Variants in CDKAL1 observed in about 807,000 individuals in gnomAD.
CDKAL1 encodes the protein CDKAL1 threonylcarbamoyladenosine tRNA methylthiotransferase, also known as threonylcarbamoyladenosine tRNA methylthiotransferase.
CDKAL1 carries 32 observed loss-of-function variants against 68.2 expected under a neutral mutation model. The ratio of observed to expected loss-of-function variants is 0.47; its 90% CI spans 0.35 to 0.63. CDKAL1 has a LOEUF of 0.63. Among genes scored for constraint, CDKAL1 ranks in the 30% least tolerant of loss-of-function variants. CDKAL1 has a pLI of 0.00. For missense variants in CDKAL1, 606 were observed against 696.7 expected (o/e 0.87, Z 1.47); for synonymous variants, 234 against 244.3 (o/e 0.96, Z 0.39).
chr6:20,789,900 T>C lies in CDKAL1; in HGVS notation c.638+8635T>C, dbSNP rs181975498. On this transcript the variant is annotated intron_variant, in intron 8 of 15. Coordinates refer to ENST00000274695, the MANE Select transcript of CDKAL1 (RefSeq NM_017774.3). ...AGAATCAGCTTATTTATTTCATATG[T>C]TTGTTCTTTAAGAAGACCAAAGAGC... is the stretch of plus-strand genomic sequence containing the variant. Among the ~76,000 whole-genome samples, 12 of 152,340 alleles carry C rather than the reference T, an allele frequency of 7.9e-5. No individual in the cohort carries two copies. In the East Asian group the frequency reaches 2.1e-3, roughly 27 times the overall value.
At chr6:20,741,536 G>T (rs1773457720) in intron 6 of CDKAL1, among the ~76,000 whole-genome samples, 1 of 151,994 alleles carries the variant, frequency 6.6e-6, no homozygotes, top group Admixed American at 6.6e-5. Flanking sequence ...TCATCATGTA[G>T]CTCCCACTTA....
At position 20,534,914 on chromosome 6, in the gene CDKAL1, G is replaced by C. The variant is rs1763109000; in HGVS notation, c.-50+340G>C. 2.6e-5 allele frequency among the ~76,000 whole-genome samples: 4 copies of C among 152,210 alleles called. No individual in the cohort carries two copies. The South Asian group carries it at 8.3e-4, about 32-fold the overall frequency. The stretch of plus-strand genomic sequence containing the variant: ...GCAGTTATATAGCTTTCCCAGATCA[G>C]TATGTTAAGAATTTAAGCAGAAGTT... On this transcript the variant is annotated intron_variant, in intron 1 of 15. Coordinates refer to ENST00000274695, the MANE Select transcript of CDKAL1 (RefSeq NM_017774.3).
intron 8 of CDKAL1, among the ~76,000 whole-genome samples, chr6:20,829,361 C>T (rs1358527416): frequency 1.3e-5 from 2 of 152,248 alleles, no homozygotes; most frequent in African/African-American, 2.4e-5. Flanking sequence ...GAGAATCAGT[C>T]GTTAGATTTC....
chr6:20,695,239 A>T (rs1771057390), intron 5 of CDKAL1, among the ~76,000 whole-genome samples: 1 of 152,192 alleles, frequency 6.6e-6, no homozygotes, highest in South Asian at 2.1e-4. Flanking sequence ...ATGCTTCTAA[A>T]CAAACTTTAG....
At chr6:21,013,666 G>T (rs939868418) in intron 11 of CDKAL1, among the ~76,000 whole-genome samples, 1 of 152,128 alleles carries the variant, frequency 6.6e-6, no homozygotes, top group Non-Finnish European at 1.5e-5. Context: ...TGTCTTCCAA[G>T]TTCTGCAGGG....
chr6:20,879,642 C>T (rs911235558), intron 9 of CDKAL1, among the ~76,000 whole-genome samples: 2 of 152,154 alleles, frequency 1.3e-5, no homozygotes, highest in East Asian at 3.9e-4. Flanking sequence ...TTGATATTGG[C>T]AATTTCTTTC....
chr6:21,176,562 C>G (rs1280294099), intron 13 of CDKAL1, among the ~76,000 whole-genome samples: 4 of 152,154 alleles, frequency 2.6e-5, no homozygotes, highest in Non-Finnish European at 4.4e-5. Flanking sequence ...AGCAAGCCGC[C>G]TGCACATGAA....
chr6:20,872,384 T>G (rs1327734698), intron 9 of CDKAL1, among the ~76,000 whole-genome samples: 1 of 152,140 alleles, frequency 6.6e-6, no homozygotes. Flanking sequence ...CTAGCAAGGG[T>G]CATCAGTGTG....
intron 9 of CDKAL1, among the ~76,000 whole-genome samples, chr6:20,932,744 C>A (rs961184467): frequency 6.6e-6 from 1 of 152,108 alleles, no homozygotes; most frequent in East Asian, 1.9e-4. Flanking sequence ...AAAAATGTTT[C>A]CCTAAAGAAA....
At chr6:20,766,624 G>A (rs1436890797) in intron 7 of CDKAL1, among the ~76,000 whole-genome samples, 1 of 152,156 alleles carries the variant, frequency 6.6e-6, no homozygotes, top group Non-Finnish European at 1.5e-5. Context: ...GAGACTACAA[G>A]TATTGTCAAA....
chr6:20,748,554 GGAAAAAAAAAA>G lies in CDKAL1; in HGVS notation c.468+8940_468+8950del, dbSNP rs1475805696. 4.0e-4 allele frequency among the ~76,000 whole-genome samples: 31 copies of G among 77,080 alleles called. 2 individuals carry two copies. Among genetic ancestry groups the G allele is most frequent in the African/African-American group, 1.3e-3 (28 of 21,006 alleles). 50.6% of individuals were successfully genotyped at this position (77,080 alleles called of 152,430 possible). A position where few individuals can be genotyped will look rare whatever the true frequency, so the allele number is the denominator to read the frequency against. ...GGAAAGAGAGCAAGACTCTGTTTCT[GGAAAAAAAAAA>G]AAAAAAAAAAAAAAAAAAAAAAAAA... On this transcript the variant is annotated intron_variant, in intron 6 of 15. Transcript: ENST00000274695.
chr6:20,973,295 AAAG>A (rs1158559000), intron 10 of CDKAL1, among the ~76,000 whole-genome samples: 2 of 152,226 alleles, frequency 1.3e-5, no homozygotes, highest in Non-Finnish European at 2.9e-5. Flanking sequence ...ATGTAAATAT[AAAG>A]GTATCTTTTC....
chr6:21,053,525 T>C (rs1770656505), intron 11 of CDKAL1, among the ~76,000 whole-genome samples: 1 of 152,218 alleles, frequency 6.6e-6, no homozygotes, highest in South Asian at 2.1e-4. Flanking sequence ...TATGTTTAAC[T>C]ATTTAAGAAA....
chr6:20,646,848 A>G (rs546028064), intron 4 of CDKAL1, among the ~76,000 whole-genome samples: 1 of 152,182 alleles, frequency 6.6e-6, no homozygotes, highest in African/African-American at 2.4e-5. Context: ...AGTTCAAGCA[A>G]TTCTTCTGCC....
intron 13 of CDKAL1, among the ~76,000 whole-genome samples, chr6:21,150,997 T>G (rs1484724431): frequency 6.6e-6 from 1 of 152,228 alleles, no homozygotes; most frequent in African/African-American, 2.4e-5. Context: ...GATTTGTCCC[T>G]CTGATCTTAG....
chr6:21,060,499 A>G (rs1442442271), intron 11 of CDKAL1, among the ~76,000 whole-genome samples: 3 of 151,646 alleles, frequency 2.0e-5, no homozygotes, highest in Admixed American at 1.3e-4. Flanking sequence ...TTTTACTTTT[A>G]TTGATTTTTC....
intron 8 of CDKAL1, among the ~76,000 whole-genome samples, chr6:20,793,740 T>G (rs111343412): frequency 0.023 from 3,315 of 146,496 alleles, 110 homozygotes; most frequent in African/African-American, 0.077. Flanking sequence ...GAAGAAAGAA[T>G]AATATAGACA....
intron 11 of CDKAL1, among the ~76,000 whole-genome samples, chr6:21,007,891 C>A (rs1454231048): frequency 1.3e-5 from 2 of 152,136 alleles, no homozygotes; most frequent in Non-Finnish European, 2.9e-5. Flanking sequence ...TGTTGTACTG[C>A]TGGTCTAATC....
Position 20,707,436 on chromosome 6 carries a change from C to T in CDKAL1, c.372-32083C>T, listed in dbSNP as rs187525338. On this transcript the variant is annotated intron_variant, in intron 5 of 15. Coordinates refer to ENST00000274695, the MANE Select transcript of CDKAL1 (RefSeq NM_017774.3). ...TGTTGATATAACATCTGAGTCTTTA[C>T]ATTTTATCTAAGGGTAGCCTATTCT... Among the ~76,000 whole-genome samples the T allele has an allele frequency of 2.6e-5, 4 of 152,310 alleles. No individual in the cohort carries two copies. The East Asian group carries it at 7.7e-4, about 29-fold the overall frequency.
Sources: allele counts gnomAD v4.1 joint callset (sites outside exome capture counted in the v4.1 genomes callset), GRCh38; gene constraint gnomAD v4.1.1; transcripts MANE v1.5; gene names NCBI Gene and HGNC (gene_info 2026-07-23, HGNC 2026-07-21).